Variants in ZNF804B observed in about 807,000 individuals in gnomAD.
ZNF804B encodes zinc finger protein 804B, also known as zinc finger 804B.
In ZNF804B, 80 loss-of-function variants were observed where a neutral mutation model predicts 101.4. The ratio of observed to expected loss-of-function variants is 0.79; its 90% CI spans 0.66 to 0.95. ZNF804B has a LOEUF of 0.95. Ranked by LOEUF, ZNF804B falls within the 40% of genes least tolerant of loss-of-function variation. The pLI, the probability that ZNF804B is intolerant of heterozygous loss-of-function variation, is 0.00. For missense variants in ZNF804B, 1,673 were observed against 1,561.9 expected, an observed-to-expected ratio of 1.07 and a Z score of -1.20; for synonymous variants, 622 against 558.8, an observed-to-expected ratio of 1.11 and a Z score of -1.59.
intron 2 of ZNF804B, among the ~76,000 whole-genome samples, chr7:89,230,444 GAA>G (rs1393363502): frequency 2.6e-5 from 4 of 151,966 alleles, no homozygotes; most frequent in Non-Finnish European, 4.4e-5. Flanking sequence ...CATACAAGAA[GAA>G]AACAGATTAT....
intron 1 of ZNF804B, among the ~76,000 whole-genome samples, chr7:88,816,673 C>T (rs1228394158): frequency 1.4e-5 from 2 of 145,134 alleles, no homozygotes; most frequent in African/African-American, 5.2e-5. Flanking sequence ...CAAATCAAAA[C>T]CACAATGAGA....
intron 1 of ZNF804B, among the ~76,000 whole-genome samples, chr7:88,824,761 G>A (rs186921483): frequency 2.4e-4 from 37 of 152,164 alleles, no homozygotes; most frequent in East Asian, 1.5e-3. Context: ...ATTCCAGATC[G>A]TGGAACCCTA....
chr7:89,238,828 A>T (rs1258869142), intron 2 of ZNF804B, among the ~76,000 whole-genome samples: 1 of 152,182 alleles, frequency 6.6e-6, no homozygotes, highest in African/African-American at 2.4e-5. Flanking sequence ...TGTTAGGGAA[A>T]TGAAGATGCC....
intron 2 of ZNF804B, among the ~76,000 whole-genome samples, chr7:89,262,527 T>G (rs995138245): frequency 6.6e-6 from 1 of 152,214 alleles, no homozygotes; most frequent in South Asian, 2.1e-4. Context: ...TCAGTATATT[T>G]TAAGTATTAT....
chr7:89,334,485 G>T lies in ZNF804B; in HGVS notation c.1503G>T (p.Leu501Phe), dbSNP rs1481924564. The T allele has an allele frequency of 6.2e-7, 1 of 1,613,548 alleles. No homozygotes were observed. Among genetic ancestry groups the T allele is most frequent in the Non-Finnish European group, 8.5e-7 (1 of 1,179,828 alleles). The change falls in exon 4 of 4, where the codon TTG becomes TTT. Residue 501 changes from leucine (L) to phenylalanine (F), a missense_variant. Coordinates refer to ENST00000333190, the MANE Select transcript of ZNF804B (RefSeq NM_181646.5). ...ATCTAGAGGACTTAAAAACAGAATT[G>T]GGTAAGAAGCCCTTGGAATTGAAGA... ...DHNLEDLKTE[L>F]GKKPLELKTK...
At chr7:88,855,460 T>A (rs2115842188) in intron 1 of ZNF804B, among the ~76,000 whole-genome samples, 1 of 152,158 alleles carries the variant, frequency 6.6e-6, no homozygotes, top group Non-Finnish European at 1.5e-5. Context: ...TGTTTGTTTT[T>A]TTCTTGTAAA....
chr7:89,110,260 T>C (rs1790197460), intron 1 of ZNF804B, among the ~76,000 whole-genome samples: 2 of 152,258 alleles, frequency 1.3e-5, no homozygotes, highest in African/African-American at 4.8e-5. Context: ...AGTTCAATAA[T>C]ACTAATTCAT....
chr7:88,770,078 A>C (rs1042276947), intron 1 of ZNF804B, among the ~76,000 whole-genome samples: 1 of 152,196 alleles, frequency 6.6e-6, no homozygotes, highest in African/African-American at 2.4e-5. Flanking sequence ...TATTTATAGA[A>C]TATAAACATT....
At chr7:89,102,944 C>T (rs1188665258) in intron 1 of ZNF804B, among the ~76,000 whole-genome samples, 2 of 150,676 alleles carry the variant, frequency 1.3e-5, no homozygotes, top group African/African-American at 4.9e-5. Context: ...ATAGGATGTC[C>T]TTTCCCAATT....
At chr7:89,015,818 G>A (rs1788543595) in intron 1 of ZNF804B, among the ~76,000 whole-genome samples, 2 of 151,946 alleles carry the variant, frequency 1.3e-5, no homozygotes, top group Admixed American at 1.3e-4. Flanking sequence ...TGTCTTCATA[G>A]CAGCATGATT....
intron 1 of ZNF804B, among the ~76,000 whole-genome samples, chr7:88,863,166 A>G (rs1055009756): frequency 2.0e-5 from 3 of 152,258 alleles, no homozygotes; most frequent in African/African-American, 7.2e-5. Flanking sequence ...ATCCTATGGC[A>G]TCTTGTCTCA....
chr7:88,788,117 T>C (rs1790329017), intron 1 of ZNF804B, among the ~76,000 whole-genome samples: 1 of 152,086 alleles, frequency 6.6e-6, no homozygotes, highest in Admixed American at 6.6e-5. Context: ...GATGCATTCA[T>C]CTAGTGCATG....
intron 1 of ZNF804B, among the ~76,000 whole-genome samples, chr7:88,839,121 C>T (rs895706093): frequency 2.0e-5 from 3 of 151,958 alleles, no homozygotes; most frequent in African/African-American, 7.2e-5. Flanking sequence ...GTATGCTTAG[C>T]TTATCCTCAC....
intron 2 of ZNF804B, among the ~76,000 whole-genome samples, chr7:89,235,530 A>G (rs1789267361): frequency 6.6e-6 from 1 of 152,226 alleles, no homozygotes; most frequent in Non-Finnish European, 1.5e-5. Context: ...TACATTTGAG[A>G]TTCAATTTTG....
At position 88,845,293 on chromosome 7, in the gene ZNF804B, ACGCGCG is replaced by A. The variant is rs143617719; in HGVS notation, c.108+85213_108+85218del. 6.7e-3 allele frequency among the ~76,000 whole-genome samples: 885 copies of A among 131,606 alleles called. 9 individuals are homozygous for A. The highest frequency in any genetic ancestry group is 0.024 in the African/African-American group (824 of 34,468). The allele number at this position is 131,606 out of a possible 152,430, so 86.3% of individuals were successfully genotyped here. A position where few individuals can be genotyped will look rare whatever the true frequency, so the allele number is the denominator to read the frequency against. ...CGCATGTGTGCGCACGCGCGCGCGC[ACGCGCG>A]CGCACACACACACACACACACAATA... is the stretch of plus-strand genomic sequence containing the variant. On this transcript the variant is annotated intron_variant, in intron 1 of 3. Transcript: ENST00000333190.
At chr7:88,958,157 G>A (rs1235945878) in intron 1 of ZNF804B, among the ~76,000 whole-genome samples, 1 of 151,254 alleles carries the variant, frequency 6.6e-6, no homozygotes, top group East Asian at 2.0e-4. Context: ...TAAACAATTG[G>A]AGCCCACTTG....
At chr7:89,276,646 A>C (rs755341388) in intron 2 of ZNF804B, among the ~76,000 whole-genome samples, 1 of 151,954 alleles carries the variant, frequency 6.6e-6, no homozygotes, top group Non-Finnish European at 1.5e-5. Context: ...ATCATAAAAA[A>C]TTCAGTAAAT....
At chr7:89,245,328 A>T (rs193281586) in intron 2 of ZNF804B, among the ~76,000 whole-genome samples, 6 of 152,214 alleles carry the variant, frequency 3.9e-5, no homozygotes, top group African/African-American at 9.6e-5. Context: ...GGCCTAAAAA[A>T]TAGACTTGAA....
rs71686935 is a variant in ZNF804B, at chr7:88,955,098, T to TA, written c.108+195028dup. ...AATATCGTGAGCCCTTGTCTCTATT[T>TA]AAAAAAAAAAAAAAGGAAAAAAAAG... On this transcript the variant is annotated intron_variant, in intron 1 of 3. Transcript: ENST00000333190. 4.0e-3 allele frequency among the ~76,000 whole-genome samples: 568 copies of TA among 142,150 alleles called. 4 individuals are homozygous for TA. Among genetic ancestry groups the TA allele is most frequent in the African/African-American group, 0.013 (507 of 38,706 alleles). 93.3% of individuals were successfully genotyped at this position (142,150 alleles called of 152,430 possible). A position where few individuals can be genotyped will look rare whatever the true frequency, so the allele number is the denominator to read the frequency against.
Sources: allele counts gnomAD v4.1 joint callset (sites outside exome capture counted in the v4.1 genomes callset), GRCh38; gene constraint gnomAD v4.1.1; transcripts MANE v1.5; gene names NCBI Gene and HGNC (gene_info 2026-07-23, HGNC 2026-07-21).